Variants in SULT4A1 observed in about 807,000 individuals in gnomAD.
The protein encoded by SULT4A1 is sulfotransferase 4A1.
In SULT4A1, 11 loss-of-function variants were observed where a neutral mutation model predicts 35.2. The observed-to-expected ratio is 0.31, with a 90% confidence interval of 0.20 to 0.52. The LOEUF is 0.52. Ranked by LOEUF, SULT4A1 falls within the 20% of genes least tolerant of loss-of-function variation. The pLI is 0.97. For synonymous variants in SULT4A1, 152 were observed against 151.8 expected, an observed-to-expected ratio of 1.00 and a Z score of -0.01; for missense variants, 271 against 383.7, an observed-to-expected ratio of 0.71 and a Z score of 2.45.
chr22:43,829,686 A>G (rs2063311823), intron 5 of SULT4A1, among the ~76,000 whole-genome samples: 1 of 151,998 alleles, frequency 6.6e-6, no homozygotes. Flanking sequence ...TGCCTGCCAT[A>G]CCCTGCCCCA....
intron 5 of SULT4A1, among the ~76,000 whole-genome samples, chr22:43,833,308 C>T (rs182835606): frequency 2.0e-5 from 3 of 152,274 alleles, no homozygotes; most frequent in Admixed American, 2.0e-4. Flanking sequence ...TCACTGCAGA[C>T]AGTGGCCTCT....
At chr22:43,857,880 T>G (rs1258806698) in intron 1 of SULT4A1, among the ~76,000 whole-genome samples, 1 of 150,082 alleles carries the variant, frequency 6.7e-6, no homozygotes, top group Non-Finnish European at 1.5e-5. Flanking sequence ...TGAGACCCTA[T>G]CTCTACAAAA....
chr22:43,853,773 GCCAAGAGGCTA>G (rs2049370386), intron 1 of SULT4A1, among the ~76,000 whole-genome samples: 2 of 152,210 alleles, frequency 1.3e-5, no homozygotes, highest in Admixed American at 1.3e-4. Flanking sequence ...CCCTGAGGCT[GCCAAGAGGCTA>G]CCAAGAGGCT....
chr22:43,841,977 C>T (rs765241772), intron 1 of SULT4A1, 45 bp from the exon 2 acceptor site: 21 of 1,587,018 alleles, frequency 1.3e-5, no homozygotes, highest in South Asian at 5.6e-5. Flanking sequence ...AGGAGGCCCA[C>T]GCGCCCGGCC....
At chr22:43,850,957 G>C (rs2063506571) in intron 1 of SULT4A1, among the ~76,000 whole-genome samples, 1 of 152,072 alleles carries the variant, frequency 6.6e-6, no homozygotes, top group South Asian at 2.1e-4. Context: ...AGTTGGCAAG[G>C]GTTGGGGGTG....
intron 1 of SULT4A1, among the ~76,000 whole-genome samples, chr22:43,857,370 CAAAAA>C (rs60746917): frequency 1.1e-4 from 10 of 93,790 alleles, no homozygotes; most frequent in Admixed American, 1.2e-4. Context: ...GATCCTGTCT[CAAAAA>C]AAAAAAAAAA....
rs530518701 is a variant in SULT4A1, at chr22:43,825,405, T to A, written c.*596A>T. ...TGAAGACCTAGTGAACAATTTCTGC[T>A]CATTTCAGGAAGGTTCTGAAGAAGT... is the stretch of plus-strand genomic sequence containing the variant. On this transcript the variant is annotated 3_prime_UTR_variant, in exon 7 of 7. Transcript: ENST00000330884. 6.6e-6 allele frequency: 1 copy of A among 152,266 alleles called. No homozygotes were observed. 9.4% of individuals were successfully genotyped at this position (152,266 alleles called of 1,614,324 possible).
intron 5 of SULT4A1, among the ~76,000 whole-genome samples, chr22:43,832,744 G>A (rs1271544640): frequency 6.6e-6 from 1 of 152,152 alleles, no homozygotes; most frequent in Admixed American, 6.5e-5. Context: ...TCTGTTCACA[G>A]CCAGGTCTGG....
chr22:43,847,231 C>T (rs1010564140), intron 1 of SULT4A1, among the ~76,000 whole-genome samples: 9 of 152,130 alleles, frequency 5.9e-5, no homozygotes, highest in African/African-American at 2.2e-4. Context: ...ACGCAGGGAA[C>T]AGGCCCCGGC....
At chr22:43,832,380 G>T (rs2063331454) in intron 5 of SULT4A1, among the ~76,000 whole-genome samples, 2 of 152,160 alleles carry the variant, frequency 1.3e-5, no homozygotes, top group Non-Finnish European at 2.9e-5. Context: ...GACCCATGTG[G>T]GGAACCGACA....
At chr22:43,833,771 G>C in intron 4 of SULT4A1, 37 bp from the exon 5 acceptor site, 1 of 1,533,746 alleles carries the variant, frequency 6.5e-7, no homozygotes, top group East Asian at 2.4e-5. Flanking sequence ...CACACGGCTG[G>C]GCAGGAGAAG....
At position 43,830,146 on chromosome 22, in the gene SULT4A1, C is replaced by T. The variant is rs1439830703; in HGVS notation, c.604-948G>A. Among the ~76,000 whole-genome samples, 3 of 152,196 alleles carry T rather than the reference C, an allele frequency of 2.0e-5. No homozygotes were observed. In the East Asian group the frequency reaches 5.8e-4, roughly 29 times the overall value. On this transcript the variant is annotated intron_variant, in intron 5 of 6. Coordinates refer to ENST00000330884, the MANE Select transcript of SULT4A1 (RefSeq NM_014351.4). Reference sequence around the variant, plus strand: ...AGGCAGGGGTGTGGTGCATCCCGGGCGCAGGGCTTGACTCAAGAGTCAGAG... The same window carrying T: ...AGGCAGGGGTGTGGTGCATCCCGGGTGCAGGGCTTGACTCAAGAGTCAGAG...
intron 6 of SULT4A1, chr22:43,828,781 A>G: frequency 2.5e-6 from 1 of 402,324 alleles, no homozygotes; most frequent in Non-Finnish European, 4.4e-6. Flanking sequence ...GCTGAGAAAC[A>G]TCCCGCCCAC....
chr22:43,839,310 C>A (rs780809267), intron 3 of SULT4A1, among the ~76,000 whole-genome samples: 17 of 152,238 alleles, frequency 1.1e-4, no homozygotes, highest in Non-Finnish European at 2.2e-4. Context: ...ACACAGGCCT[C>A]TGGCCGGGTG....
intron 1 of SULT4A1, among the ~76,000 whole-genome samples, chr22:43,857,966 C>G (rs2049420965): frequency 7.1e-6 from 1 of 139,900 alleles, no homozygotes; most frequent in Admixed American, 7.8e-5. Context: ...AGGAGGATTG[C>G]TTGAGCCCAG....
In SULT4A1 at chr22:43,833,638, A is replaced by T. The variant is rs1466447018; in HGVS notation, c.603+2T>A. 6.3e-7 allele frequency: 1 copy of T among 1,592,730 alleles called. No individual in the cohort carries two copies. Among genetic ancestry groups the T allele is most frequent in the Non-Finnish European group, 8.6e-7 (1 of 1,169,314 alleles). On this transcript the variant is annotated splice_donor_variant, in intron 5 of 6. Transcript: ENST00000330884. LOFTEE classifies it high-confidence loss of function. Reference sequence around the variant, plus strand: ...GAGGACAGCTGCTCCGGCAGCACTCACCCGATGCATGTCTTCATACTTGAG... The same window carrying T: ...GAGGACAGCTGCTCCGGCAGCACTCTCCCGATGCATGTCTTCATACTTGAG...
chr22:43,840,604 C>G (rs550226866), intron 2 of SULT4A1, among the ~76,000 whole-genome samples: 1 of 152,296 alleles, frequency 6.6e-6, no homozygotes, highest in Non-Finnish European at 1.5e-5. Context: ...GCAGGAGGCA[C>G]CAGCCCCAGT....
chr22:43,862,443 CCGCGCCCGCGCCCGCGCCCCGCA>C lies in SULT4A1; in HGVS notation c.-84_-62del, dbSNP rs2049485375. ...GCTCGCAGCCCGCACGCGCCCGCGC[CCGCGCCCGCGCCCGCGCCCCGCA>C]CACGCTCGCGCCCCACCGGCGCGCG... is the stretch of plus-strand genomic sequence containing the variant. On this transcript the variant is annotated 5_prime_UTR_variant, in exon 1 of 7. Transcript: ENST00000330884. 3.2e-6 allele frequency: 3 copies of C among 945,214 alleles called. No individual in the cohort carries two copies. Among genetic ancestry groups the C allele is most frequent in the African/African-American group, 1.9e-5 (1 of 53,922 alleles). The allele number at this position is 945,214 out of a possible 1,614,324, so 58.6% of individuals were successfully genotyped here. A position where few individuals can be genotyped will look rare whatever the true frequency, so the allele number is the denominator to read the frequency against.
intron 5 of SULT4A1, among the ~76,000 whole-genome samples, chr22:43,833,400 G>A (rs1203523570): frequency 5.4e-5 from 8 of 148,768 alleles, no homozygotes; most frequent in African/African-American, 2.0e-4. Flanking sequence ...CCCCACACCC[G>A]CCTTCCTGGG....
Sources: gnomAD v4.1 joint callset for allele counts (sites outside exome capture counted in the v4.1 genomes callset) on GRCh38, gnomAD v4.1.1 for gene constraint, MANE v1.5 for transcripts, NCBI Gene and HGNC (gene_info 2026-07-23, HGNC 2026-07-21) for gene names.